Variants in KCNT2 observed in about 807,000 individuals in gnomAD.
KCNT2 encodes the protein potassium channel subfamily T member 2.
KCNT2 carries 67 observed loss-of-function variants against 153.8 expected under a neutral mutation model. The ratio of observed to expected loss-of-function variants is 0.44; its 90% CI spans 0.36 to 0.53. The LOEUF (loss-of-function observed/expected upper bound fraction) is 0.53, where lower values mean the gene tolerates loss of function less well. KCNT2 is among the 20% of genes least tolerant of loss of function. The pLI is 0.00. For missense variants in KCNT2, 975 were observed against 1,354.8 expected (o/e 0.72, Z 4.40); for synonymous variants, 500 against 458.8 (o/e 1.09, Z -1.15).
intron 18 of KCNT2, among the ~76,000 whole-genome samples, chr1:196,327,902 G>T (rs989541434): frequency 4.0e-5 from 6 of 151,842 alleles, no homozygotes; most frequent in African/African-American, 1.5e-4. Flanking sequence ...CTCCCCAAAT[G>T]CTGGGATTAC....
At chr1:196,240,795 A>G (rs1654881297) in intron 26 of KCNT2, among the ~76,000 whole-genome samples, 1 of 152,084 alleles carries the variant, frequency 6.6e-6, no homozygotes, top group Non-Finnish European at 1.5e-5. Context: ...ATGAGAAAAC[A>G]TTGAAAGCTT....
intron 2 of KCNT2, among the ~76,000 whole-genome samples, chr1:196,490,711 A>G (rs907455299): frequency 1.7e-4 from 26 of 151,826 alleles, no homozygotes; most frequent in African/African-American, 5.8e-4. Context: ...ACAATTATGC[A>G]GCCTGTAATA....
In KCNT2 at chr1:196,273,447, A is replaced by T. The variant is rs1658259073; in HGVS notation, c.2910+7413T>A. 3 of 1,513,274 alleles carry T rather than the reference A, an allele frequency of 2.0e-6. No homozygotes were observed. The South Asian group carries it at 3.6e-5, about 18-fold the overall frequency. The allele number at this position is 1,513,274 out of a possible 1,614,324, so 93.7% of individuals were successfully genotyped here. On this transcript the variant is annotated intron_variant, in intron 25 of 27. Transcript: ENST00000294725. Reference sequence around the variant, plus strand: ...TATATTACACCATTTGAGGAAAGGGAAACAAACAGAAAATACTTACTTGTG... The same window carrying T: ...TATATTACACCATTTGAGGAAAGGGTAACAAACAGAAAATACTTACTTGTG...
intron 8 of KCNT2, among the ~76,000 whole-genome samples, chr1:196,440,533 T>C (rs1056958438): frequency 6.6e-6 from 1 of 151,994 alleles, no homozygotes; most frequent in Non-Finnish European, 1.5e-5. Flanking sequence ...GGAATAAACC[T>C]TGAGAATGTG....
intron 27 of KCNT2, among the ~76,000 whole-genome samples, chr1:196,233,261 C>T (rs1161046205): frequency 6.6e-6 from 1 of 151,262 alleles, no homozygotes; most frequent in East Asian, 1.9e-4. Flanking sequence ...CATCTGTTTC[C>T]CCAATGCTCC....
intron 14 of KCNT2, among the ~76,000 whole-genome samples, chr1:196,361,936 A>G (rs985181983): frequency 2.2e-5 from 3 of 133,580 alleles, no homozygotes; most frequent in Non-Finnish European, 5.0e-5. Flanking sequence ...TGTGTGTTTC[A>G]CTCTAAAGGG....
intron 1 of KCNT2, among the ~76,000 whole-genome samples, chr1:196,556,737 G>A (rs542043709): frequency 1.8e-4 from 28 of 151,398 alleles, no homozygotes; most frequent in East Asian, 9.8e-4. Context: ...ATAAGTGTCC[G>A]TCGACAGGTG....
chr1:196,353,383 G>T (rs1428169910), intron 14 of KCNT2, among the ~76,000 whole-genome samples: 1 of 151,724 alleles, frequency 6.6e-6, no homozygotes, highest in Non-Finnish European at 1.5e-5. Flanking sequence ...TTTATAGAAG[G>T]GTAAGAAGAT....
chr1:196,426,338 A>G (rs1673652821), intron 10 of KCNT2, among the ~76,000 whole-genome samples: 2 of 152,052 alleles, frequency 1.3e-5, no homozygotes, highest in South Asian at 4.1e-4. Context: ...ATTGAACACC[A>G]GGCAGAAGCA....
intron 13 of KCNT2, among the ~76,000 whole-genome samples, chr1:196,384,396 G>C (rs917868006): frequency 3.3e-5 from 5 of 152,024 alleles, no homozygotes; most frequent in African/African-American, 1.2e-4. Context: ...AAAAAACCCA[G>C]AGCCAAATTT....
intron 1 of KCNT2, among the ~76,000 whole-genome samples, chr1:196,509,714 G>A (rs1052749977): frequency 1.3e-5 from 2 of 152,090 alleles, no homozygotes; most frequent in East Asian, 1.9e-4. Flanking sequence ...ATAGGTGTCT[G>A]TATATTTTTA....
chr1:196,384,997 A>C (rs547631659), intron 13 of KCNT2, among the ~76,000 whole-genome samples: 5 of 152,220 alleles, frequency 3.3e-5, no homozygotes, highest in African/African-American at 1.2e-4. Context: ...ATATTCACTT[A>C]ATAACCCAAA....
At chr1:196,387,674 A>G (rs1433934860) in intron 13 of KCNT2, among the ~76,000 whole-genome samples, 1 of 151,926 alleles carries the variant, frequency 6.6e-6, no homozygotes, top group African/African-American at 2.4e-5. Flanking sequence ...TGATATTGAC[A>G]ATCTTTTCAT....
intron 1 of KCNT2, among the ~76,000 whole-genome samples, chr1:196,571,252 C>T (rs901417609): frequency 6.6e-6 from 1 of 151,956 alleles, no homozygotes; most frequent in African/African-American, 2.4e-5. Context: ...GAAAAAAATG[C>T]TTAGGGGTCC....
At chr1:196,443,975 A>G (rs1004241912) in intron 8 of KCNT2, among the ~76,000 whole-genome samples, 1 of 151,546 alleles carries the variant, frequency 6.6e-6, no homozygotes, top group Admixed American at 6.6e-5. Context: ...AATGTAAGAT[A>G]TATTCCCAAA....
intron 22 of KCNT2, among the ~76,000 whole-genome samples, chr1:196,297,112 C>G (rs1270475459): frequency 6.6e-6 from 1 of 151,440 alleles, no homozygotes; most frequent in East Asian, 1.9e-4. Context: ...TGCAATCTCT[C>G]TCTCTTTCTC....
intron 14 of KCNT2, among the ~76,000 whole-genome samples, chr1:196,348,078 T>A (rs1270092921): frequency 1.3e-5 from 2 of 152,144 alleles, no homozygotes; most frequent in Non-Finnish European, 2.9e-5. Context: ...AAGAATAATC[T>A]AACAATGTTC....
At chr1:196,595,041 A>T (rs1466966185) in intron 1 of KCNT2, among the ~76,000 whole-genome samples, 1 of 152,098 alleles carries the variant, frequency 6.6e-6, no homozygotes, top group Non-Finnish European at 1.5e-5. Context: ...CGAGTTAAGC[A>T]TTGAAGATTA....
intron 25 of KCNT2, among the ~76,000 whole-genome samples, chr1:196,274,449 A>G (rs982340512): frequency 1.3e-5 from 2 of 151,732 alleles, no homozygotes; most frequent in African/African-American, 4.8e-5. Context: ...ACATGACACA[A>G]TGGAATAAAT....
Sources: allele counts gnomAD v4.1 joint callset (sites outside exome capture counted in the v4.1 genomes callset), GRCh38; gene constraint gnomAD v4.1.1; transcripts MANE v1.5; gene names NCBI Gene and HGNC (gene_info 2026-07-23, HGNC 2026-07-21).